The following AGO3 variants were observed in gnomAD, a reference collection of about 807,000 sequenced individuals.
The protein encoded by AGO3 is argonaute RISC catalytic component 3.
In AGO3, 16 loss-of-function variants were observed where a neutral mutation model predicts 105.5. That is an observed-to-expected ratio of 0.15 (90% confidence interval 0.10 to 0.23). AGO3 has a LOEUF of 0.23. AGO3 is among the 10% of genes least tolerant of loss of function. The probability of loss-of-function intolerance (pLI) is 1.00; values close to 1 mark genes in which losing one functional copy is unlikely to be tolerated. For missense variants in AGO3, 534 were observed against 1,088.0 expected (o/e 0.49, Z 7.16); for synonymous variants, 340 against 367.3 (o/e 0.93, Z 0.85).
chr1:36,009,637 G>A, intron 9 of AGO3, 43 bp downstream of exon 9: 3 of 1,578,114 alleles, frequency 1.9e-6, no homozygotes, highest in Non-Finnish European at 2.6e-6. Context: ...AACATATTAG[G>A]GTGAACTGTA....
chr1:35,937,735 AC>A (rs999261088), intron 1 of AGO3, among the ~76,000 whole-genome samples: 3 of 152,132 alleles, frequency 2.0e-5, no homozygotes, highest in Admixed American at 6.6e-5. Context: ...GATAAGCTTA[AC>A]CCTCAACTGG....
At chr1:35,965,489 C>CAAAA (rs1171759827) in intron 2 of AGO3, among the ~76,000 whole-genome samples, 5 of 87,446 alleles carry the variant, frequency 5.7e-5, no homozygotes, top group Non-Finnish European at 9.6e-5. Context: ...GACGCTGTCT[C>CAAAA]AAAAAAAAAA....
In AGO3 at chr1:36,065,580, C is replaced by A. The variant is rs1265388892; in HGVS notation, c.*9835C>A. 1.3e-5 allele frequency: 2 copies of A among 152,364 alleles called. No homozygotes were observed. Among genetic ancestry groups the A allele is most frequent in the African/African-American group, 2.4e-5 (1 of 41,434 alleles). 9.4% of individuals were successfully genotyped at this position (152,364 alleles called of 1,614,324 possible). ...CCAAGATTGCACCGCTGCACTCCAGCCTGGCAACAGAGCAAGACTCCATCT... is the reference window on the plus strand; with the variant it reads ...CCAAGATTGCACCGCTGCACTCCAGACTGGCAACAGAGCAAGACTCCATCT... On this transcript the variant is annotated 3_prime_UTR_variant, in exon 19 of 19. Transcript: ENST00000373191.
chr1:36,024,136 C>CTTTTTT (rs543123565), intron 11 of AGO3, among the ~76,000 whole-genome samples: 1 of 128,958 alleles, frequency 7.8e-6, no homozygotes, highest in Non-Finnish European at 1.6e-5. Context: ...TGACTGACTC[C>CTTTTTT]TTTTTTTTTT....
Position 36,060,537 on chromosome 1 carries a change from A to G in AGO3, c.*4792A>G, listed in dbSNP as rs1557721279. On this transcript the variant is annotated 3_prime_UTR_variant, in exon 19 of 19. Transcript: ENST00000373191. The stretch of plus-strand genomic sequence containing the variant: ...TTTTATGAAATTCAAGAAGCAAACG[A>G]CTTCGATACAGCTAGAATATGTTGC... 6.6e-6 allele frequency: 1 copy of G among 152,248 alleles called. No homozygotes were observed. The highest frequency in any genetic ancestry group is 1.5e-5 in the Non-Finnish European group (1 of 68,044). 9.4% of individuals were successfully genotyped at this position (152,248 alleles called of 1,614,324 possible). A position where few individuals can be genotyped will look rare whatever the true frequency, so the allele number is the denominator to read the frequency against.
intron 2 of AGO3, among the ~76,000 whole-genome samples, chr1:35,962,433 C>T (rs1646694008): frequency 6.6e-6 from 1 of 151,716 alleles, no homozygotes; most frequent in Non-Finnish European, 1.5e-5. Context: ...GTCCCAGCTA[C>T]TCGGGAGGCT....
intron 5 of AGO3, among the ~76,000 whole-genome samples, chr1:35,990,554 G>A (rs1647539078): frequency 6.6e-6 from 1 of 152,146 alleles, no homozygotes. Flanking sequence ...GTAAAATGTA[G>A]CTGTCCGTAA....
chr1:36,028,863 T>A (rs982474939), intron 12 of AGO3, among the ~76,000 whole-genome samples: 1 of 152,142 alleles, frequency 6.6e-6, no homozygotes, highest in Admixed American at 6.5e-5. Flanking sequence ...TATTTTTTTG[T>A]AGAGACAGGA....
chr1:35,986,413 A>C (rs1446824894), intron 5 of AGO3, among the ~76,000 whole-genome samples: 1 of 152,360 alleles, frequency 6.6e-6, no homozygotes, highest in African/African-American at 2.4e-5. Flanking sequence ...TTGTACCCAG[A>C]CATCATGGCT....
At chr1:36,028,892 G>A (rs1641638094) in intron 12 of AGO3, among the ~76,000 whole-genome samples, 1 of 152,054 alleles carries the variant, frequency 6.6e-6, no homozygotes, top group African/African-American at 2.4e-5. Flanking sequence ...TGTTTCTCGG[G>A]TTGGTCTCAA....
chr1:36,005,891 A>G, intron 6 of AGO3: 1 of 985,132 alleles, frequency 1.0e-6, no homozygotes, highest in Non-Finnish European at 1.2e-6. Context: ...AATATTTATT[A>G]AAGCCAAAAG....
intron 1 of AGO3, among the ~76,000 whole-genome samples, chr1:35,937,740 C>T (rs1646177262): frequency 2.0e-5 from 3 of 152,114 alleles, no homozygotes; most frequent in Non-Finnish European, 4.4e-5. Context: ...GCTTAACCCT[C>T]AACTGGCTGG....
At chr1:35,976,193 C>T (rs1646954593) in intron 5 of AGO3, among the ~76,000 whole-genome samples, 1 of 152,190 alleles carries the variant, frequency 6.6e-6, no homozygotes, top group African/African-American at 2.4e-5. Context: ...CCTCAGCCTC[C>T]CAGAGTGCTG....
rs141591897 is a variant in AGO3 at position 35,977,593 on chromosome 1, A to C, written c.658+4082A>C. On this transcript the variant is annotated intron_variant, in intron 5 of 18. Transcript: ENST00000373191. ...TTTTTTGTAGAGACAAGATTTCACC[A>C]TGTTGCCCAGGCTGGTCTCAAACTC... Among the ~76,000 whole-genome samples, 1,223 of 151,988 alleles carry C rather than the reference A, an allele frequency of 8.0e-3. 16 individuals are homozygous for C. Among genetic ancestry groups the C allele is most frequent in the African/African-American group, 0.028 (1,147 of 41,472 alleles).
chr1:35,996,967 G>T (rs1639856534), intron 5 of AGO3, among the ~76,000 whole-genome samples: 1 of 152,040 alleles, frequency 6.6e-6, no homozygotes. Flanking sequence ...AGTGTAAAAT[G>T]GTACAAGTAC....
Position 35,995,116 on chromosome 1 carries a change from G to T in AGO3, c.659-9225G>T, listed in dbSNP as rs578000331. On this transcript the variant is annotated intron_variant, in intron 5 of 18. Coordinates refer to ENST00000373191, the MANE Select transcript of AGO3 (RefSeq NM_024852.4). ...CTCGGGAGGCTGAGGCAGGAGAAGT[G>T]CTTGAACCCGGGAAGCAGAGGTTGC... Among the ~76,000 whole-genome samples the T allele has an allele frequency of 8.4e-4, 127 of 150,906 alleles. 1 individual carries two copies. Among genetic ancestry groups the T allele is most frequent in the African/African-American group, 3.0e-3 (125 of 41,140 alleles).
chr1:36,003,535 A>G (rs1161412506), intron 5 of AGO3, among the ~76,000 whole-genome samples: 1 of 151,398 alleles, frequency 6.6e-6, no homozygotes, highest in Non-Finnish European at 1.5e-5. Flanking sequence ...TCTCTACTAG[A>G]AGTGCTATAT....
In AGO3 at chr1:36,045,950, CAGAA is replaced by C. The variant is rs1469543820; in HGVS notation, c.2274+2408_2274+2411del. Among the ~76,000 whole-genome samples, 3 of 152,292 alleles carry C rather than the reference CAGAA, an allele frequency of 2.0e-5. No individual in the cohort carries two copies. The East Asian group carries it at 5.8e-4, about 29-fold the overall frequency. On this transcript the variant is annotated intron_variant, in intron 17 of 18. Coordinates refer to ENST00000373191, the MANE Select transcript of AGO3 (RefSeq NM_024852.4). ...AAACTCGGGATGACCACACAGAGAA[CAGAA>C]AGAAACACTGAGCCTCCACTACTCC...
intron 5 of AGO3, among the ~76,000 whole-genome samples, chr1:35,993,180 T>C (rs1301543019): frequency 6.6e-6 from 1 of 152,176 alleles, no homozygotes; most frequent in Admixed American, 6.5e-5. Context: ...TCAAGACTCA[T>C]TGGGGACCAT....
Sources: allele counts gnomAD v4.1 joint callset (sites outside exome capture counted in the v4.1 genomes callset), GRCh38; gene constraint gnomAD v4.1.1; transcripts MANE v1.5; gene names NCBI Gene and HGNC (gene_info 2026-07-23, HGNC 2026-07-21).